The following GRM8 variants were observed in gnomAD, a reference collection of about 807,000 sequenced individuals.
GRM8 encodes the protein glutamate metabotropic receptor 8.
A neutral mutation model predicts 87.2 loss-of-function variants in GRM8; 47 were observed. The ratio of observed to expected loss-of-function variants is 0.54; its 90% confidence interval spans 0.43 to 0.69. The LOEUF (loss-of-function observed/expected upper bound fraction) is 0.69. Among genes scored for constraint, GRM8 ranks in the 30% least tolerant of loss-of-function variants. The pLI is 0.00. For synonymous variants in GRM8, 396 were observed against 404.5 expected (o/e 0.98, Z 0.25); for missense variants, 1,019 against 1,139.2 (o/e 0.89, Z 1.52).
chr7:126,804,949 G>A (rs1289878586), intron 6 of GRM8, among the ~76,000 whole-genome samples: 2 of 152,128 alleles, frequency 1.3e-5, no homozygotes, highest in African/African-American at 4.8e-5. Flanking sequence ...CAACAGCAGG[G>A]TGAAATTTCT....
intron 7 of GRM8, among the ~76,000 whole-genome samples, chr7:126,731,828 A>G (rs1474930517): frequency 6.6e-6 from 1 of 152,072 alleles, no homozygotes; most frequent in Non-Finnish European, 1.5e-5. Flanking sequence ...TCTAATAAAT[A>G]TCCATAAATA....
intron 7 of GRM8, among the ~76,000 whole-genome samples, chr7:126,752,351 T>TA (rs1197655735): frequency 6.6e-6 from 1 of 152,124 alleles, no homozygotes; most frequent in Non-Finnish European, 1.5e-5. Flanking sequence ...GACTAGTTGT[T>TA]ATCCGATGTA....
intron 2 of GRM8, among the ~76,000 whole-genome samples, chr7:127,210,969 G>T (rs1023180849): frequency 6.6e-6 from 1 of 152,184 alleles, no homozygotes; most frequent in Non-Finnish European, 1.5e-5. Flanking sequence ...GAACATCTCA[G>T]AGTTAGTATG....
At chr7:127,108,533 C>G (rs1826029577) in intron 2 of GRM8, among the ~76,000 whole-genome samples, 1 of 152,096 alleles carries the variant, frequency 6.6e-6, no homozygotes, top group Non-Finnish European at 1.5e-5. Flanking sequence ...TACCGATACT[C>G]CCACTTCCTG....
intron 3 of GRM8, among the ~76,000 whole-genome samples, chr7:127,015,059 A>G (rs1563413296): frequency 8.7e-4 from 102 of 117,030 alleles, no homozygotes; most frequent in Non-Finnish European, 1.5e-3. Flanking sequence ...GAAGAAGAAG[A>G]AGAAGAAGAA....
intron 3 of GRM8, among the ~76,000 whole-genome samples, chr7:126,937,566 A>T (rs550283051): frequency 6.6e-6 from 1 of 152,362 alleles, no homozygotes; most frequent in Non-Finnish European, 1.5e-5. Flanking sequence ...GACAGAGGCC[A>T]TCAAGGACAA....
intron 7 of GRM8, among the ~76,000 whole-genome samples, chr7:126,621,300 TCTC>T (rs1329947007): frequency 1.2e-4 from 18 of 152,234 alleles, no homozygotes; most frequent in East Asian, 3.8e-4. Flanking sequence ...CTTACTGTAT[TCTC>T]CTCCAACCAC....
intron 6 of GRM8, among the ~76,000 whole-genome samples, chr7:126,882,323 T>A (rs1800097518): frequency 6.6e-6 from 1 of 152,106 alleles, no homozygotes; most frequent in Admixed American, 6.6e-5. Flanking sequence ...TTTTGCTCTG[T>A]CTCTAATTCA....
chr7:126,478,704 G>A (rs1192243644), intron 9 of GRM8, among the ~76,000 whole-genome samples: 1 of 151,998 alleles, frequency 6.6e-6, no homozygotes, highest in African/African-American at 2.4e-5. Flanking sequence ...ATTCATGCTG[G>A]TAATCACTAG....
At chr7:126,578,235 A>C (rs897267984) in intron 8 of GRM8, among the ~76,000 whole-genome samples, 4 of 152,174 alleles carry the variant, frequency 2.6e-5, no homozygotes, top group Non-Finnish European at 5.9e-5. Flanking sequence ...TTTTTAAAGA[A>C]TTTTTGGTTA....
At chr7:127,058,272 A>T (rs574975795) in intron 3 of GRM8, 2 of 401,624 alleles carry the variant, frequency 5.0e-6, no homozygotes, top group African/African-American at 4.3e-5. Context: ...TCTTGTCAAC[A>T]CACTCCTGGT....
At chr7:126,698,675 G>A (rs1809628199) in intron 7 of GRM8, among the ~76,000 whole-genome samples, 1 of 152,046 alleles carries the variant, frequency 6.6e-6, no homozygotes, top group Non-Finnish European at 1.5e-5. Flanking sequence ...TTTAACAACT[G>A]TCATAAATGA....
chr7:126,756,801 G>T (rs1160383587), intron 7 of GRM8, among the ~76,000 whole-genome samples: 3 of 152,006 alleles, frequency 2.0e-5, no homozygotes, highest in African/African-American at 7.2e-5. Context: ...TTAGGTCAGA[G>T]AATGAACCTC....
intron 3 of GRM8, among the ~76,000 whole-genome samples, chr7:127,008,370 A>G (rs1814531074): frequency 6.6e-6 from 1 of 152,116 alleles, no homozygotes. Flanking sequence ...ACTTGGATAT[A>G]AGAATATGAA....
intron 3 of GRM8, among the ~76,000 whole-genome samples, chr7:126,980,260 A>T (rs1482397446): frequency 6.7e-6 from 1 of 148,280 alleles, no homozygotes; most frequent in Non-Finnish European, 1.5e-5. Flanking sequence ...ACCTACTCTC[A>T]TGGAGCTTAC....
intron 6 of GRM8, among the ~76,000 whole-genome samples, chr7:126,850,885 C>T (rs1218477143): frequency 6.6e-6 from 1 of 152,130 alleles, no homozygotes; most frequent in Non-Finnish European, 1.5e-5. Context: ...GCGAGGCAGG[C>T]TCCTGAATGT....
chr7:127,117,813 C>T (rs1826791438), intron 2 of GRM8, among the ~76,000 whole-genome samples: 1 of 152,122 alleles, frequency 6.6e-6, no homozygotes, highest in African/African-American at 2.4e-5. Context: ...CAATTTTTCC[C>T]CCAAGCATGT....
intron 8 of GRM8, among the ~76,000 whole-genome samples, chr7:126,584,612 T>C (rs1325406251): frequency 3.3e-5 from 5 of 152,228 alleles, no homozygotes; most frequent in Admixed American, 3.3e-4. Context: ...TATAGCTCAT[T>C]TGTGGTCTGC....
chr7:127,121,541 A>C (rs887668640), intron 2 of GRM8, among the ~76,000 whole-genome samples: 1 of 152,150 alleles, frequency 6.6e-6, no homozygotes, highest in African/African-American at 2.4e-5. Context: ...CCACTCTCAC[A>C]CTGCTCTAAA....
Sources: gnomAD v4.1 joint callset for allele counts (sites outside exome capture counted in the v4.1 genomes callset) on GRCh38, gnomAD v4.1.1 for gene constraint, MANE v1.5 for transcripts, NCBI Gene and HGNC (gene_info 2026-07-23, HGNC 2026-07-21) for gene names.